The following AGO2 variants were observed in gnomAD, a reference collection of about 807,000 sequenced individuals.
AGO2 encodes argonaute RISC catalytic component 2.
In AGO2, 5 loss-of-function variants were observed where a neutral mutation model predicts 102.3. The observed-to-expected ratio is 0.05, with a 90% CI of 0.03 to 0.10. AGO2 has a LOEUF of 0.10. Among genes scored for constraint, AGO2 ranks in the 10% least tolerant of loss-of-function variants. The probability of loss-of-function intolerance (pLI) is 1.00; values close to 1 mark genes in which losing one functional copy is unlikely to be tolerated. For missense variants in AGO2, 541 were observed against 1,183.7 expected (o/e 0.46, Z 7.97); for synonymous variants, 449 against 473.1 (o/e 0.95, Z 0.66).
intron 2 of AGO2, among the ~76,000 whole-genome samples, chr8:140,582,029 A>G (rs2073566097): frequency 1.3e-5 from 2 of 152,234 alleles, no homozygotes; most frequent in South Asian, 2.1e-4. Flanking sequence ...AACATAGCAT[A>G]CTTTAGATTC....
chr8:140,579,530 T>TA, intron 2 of AGO2, among the ~76,000 whole-genome samples: 2 of 152,234 alleles, frequency 1.3e-5, no homozygotes, highest in East Asian at 3.9e-4. Flanking sequence ...ACTTGCTACT[T>TA]AGTTGCCTGT....
rs199760719 is a variant in AGO2, at chr8:140,599,648, GC to G, written c.23-14338del. On this transcript the variant is annotated intron_variant, in intron 1 of 18. Transcript: ENST00000220592. ...TCAAAGCCATCTCTCTAAATGAGGT[GC>G]CTGATGTGCAGACAACCCTTATATG... 2.1e-3 allele frequency among the ~76,000 whole-genome samples: 320 copies of G among 152,292 alleles called. 7 individuals carry two copies. Among genetic ancestry groups the G allele is most frequent in the Admixed American group, 0.019 (297 of 15,290 alleles).
chr8:140,538,452 A>C (rs2072735536), intron 16 of AGO2, among the ~76,000 whole-genome samples: 1 of 152,164 alleles, frequency 6.6e-6, no homozygotes, highest in Admixed American at 6.5e-5. Flanking sequence ...TCCTACTAGG[A>C]ATACGGAAAA....
In AGO2 at chr8:140,573,005, C is replaced by G; in HGVS notation, c.216-73G>C. The G allele has an allele frequency of 4.8e-6, 7 of 1,467,400 alleles. No homozygotes were observed. The South Asian group carries it at 8.0e-5, about 17-fold the overall frequency. 90.9% of individuals were successfully genotyped at this position (1,467,400 alleles called of 1,614,324 possible). On this transcript the variant is annotated intron_variant, in intron 2 of 18. Transcript: ENST00000220592. ...ATGGCATACAAGGACATTTTTCTGACGCTATTTTTTTTTTTTTTTTTGAGA... is the reference window on the plus strand; with the variant it reads ...ATGGCATACAAGGACATTTTTCTGAGGCTATTTTTTTTTTTTTTTTTGAGA...
Position 140,585,222 on chromosome 8 carries a change from T to C in AGO2, c.112A>G (p.Ile38Val). The C allele has an allele frequency of 6.2e-7, 1 of 1,614,212 alleles. No individual in the cohort carries two copies. Among genetic ancestry groups the C allele is most frequent in the Non-Finnish European group, 8.5e-7 (1 of 1,180,038 alleles). Residue 38 changes from isoleucine (I) to valine (V), a missense_variant, in exon 2 of 19, where the codon ATC (isoleucine) becomes GTC (valine). Around this residue, in one of 6 missense-constraint regions of AGO2, gnomAD observed 147 missense variants for 204.1 expected, o/e 0.72. Transcript: ENST00000220592. The stretch of plus-strand genomic sequence containing the variant: ...TCGAAGAAATTGGCCTGTAATTTGA[T>C]TGTTCTCCCGGAGGTCCCAAAGTCG... ...RPDFGTSGRT[I>V]KLQANFFEMD...
At chr8:140,613,027 G>A (rs1315903035) in intron 1 of AGO2, among the ~76,000 whole-genome samples, 6 of 151,868 alleles carry the variant, frequency 4.0e-5, no homozygotes, top group African/African-American at 2.4e-5. Flanking sequence ...GTGAAACCCC[G>A]TCTCCACTAA....
At chr8:140,615,208 G>C (rs1489476347) in intron 1 of AGO2, among the ~76,000 whole-genome samples, 1 of 152,218 alleles carries the variant, frequency 6.6e-6, no homozygotes, top group Non-Finnish European at 1.5e-5. Flanking sequence ...CCGAGATCGT[G>C]CCACTCCACT....
chr8:140,627,447 G>C (rs1017328226), intron 1 of AGO2, among the ~76,000 whole-genome samples: 23 of 152,158 alleles, frequency 1.5e-4, no homozygotes, highest in East Asian at 9.6e-4. Flanking sequence ...CTGCCTTCTG[G>C]CAGCAGAGTA....
Position 140,585,111 on chromosome 8 carries a change from C to T in AGO2, c.215+8G>A, listed in dbSNP as rs879050517. The T allele has an allele frequency of 3.7e-6, 6 of 1,612,554 alleles. No individual in the cohort carries two copies. The African/African-American group carries it at 5.3e-5, about 14-fold the overall frequency. ...CTTACACAGGTCATGAAGGATGAAA[C>T]GTAATACCTGTTAACTCTCCTCGGG... On this transcript the variant is annotated splice_region_variant and intron_variant, in intron 2 of 18. Coordinates refer to ENST00000220592, the MANE Select transcript of AGO2 (RefSeq NM_012154.5).
At chr8:140,535,868 G>A (rs907854290) in intron 16 of AGO2, among the ~76,000 whole-genome samples, 2 of 152,148 alleles carry the variant, frequency 1.3e-5, no homozygotes, top group Admixed American at 1.3e-4. Context: ...AGAGTCCCTC[G>A]ATACTGTTGG....
chr8:140,557,128 T>A lies in AGO2; in HGVS notation c.987A>T (p.Gln329His), dbSNP rs147773769. 1 of 1,613,892 alleles carries A rather than the reference T, an allele frequency of 6.2e-7. No homozygotes were observed. The highest frequency in any genetic ancestry group is 1.3e-5 in the African/African-American group (1 of 74,908). The stretch of plus-strand genomic sequence containing the variant: ...AGGTGTGTTTCTGCTCCTGTCCGAC[T>A]TGTAAACATGGGAGGTGGGGGTAGC... ...VLRYPHLPCLQVGQEQKHTYL... is the reference protein window; with the variant it reads ...VLRYPHLPCLHVGQEQKHTYL... The change falls in exon 8 of 19, where the codon CAA becomes CAT. Residue 329 changes from glutamine to histidine, a missense_variant. By Grantham distance (24) the Gln-to-His change is conservative (BLOSUM62 0). Transcript: ENST00000220592. This position sits in a 1 kb window ranked among gnomAD's most constrained non-coding sequence, Gnocchi z 5.9.
At chr8:140,568,919 G>A (rs149836620) in intron 3 of AGO2, among the ~76,000 whole-genome samples, 22 of 152,292 alleles carry the variant, frequency 1.4e-4, no homozygotes, top group Non-Finnish European at 2.6e-4. Context: ...CTGAGAGGTT[G>A]CAGGTCAGCC....
chr8:140,617,712 C>T (rs1170481014), intron 1 of AGO2, among the ~76,000 whole-genome samples: 1 of 152,216 alleles, frequency 6.6e-6, no homozygotes, highest in Non-Finnish European at 1.5e-5. Context: ...TGCCATCATC[C>T]TTTTACTTTA....
chr8:140,555,823 C>T (rs1323962946), intron 10 of AGO2, 73 bp downstream of exon 10: 32 of 1,545,612 alleles, frequency 2.1e-5, no homozygotes, highest in South Asian at 1.2e-5. Context: ...CGGGCGATAG[C>T]TCAGAACCTG....
rs1263665793 is a variant in AGO2 at position 140,589,844 on chromosome 8, C to A, written c.23-4533G>T. On this transcript the variant is annotated intron_variant, in intron 1 of 18. Transcript: ENST00000220592. This position sits in a 1 kb window ranked among gnomAD's most constrained non-coding sequence, Gnocchi z 4.2. ...GGAGTGATGGCTCAGTGAGTACAGA[C>A]CAGAGAGTAGATGCTATCAAGCTGT... is the stretch of plus-strand genomic sequence containing the variant. Among the ~76,000 whole-genome samples the A allele has an allele frequency of 6.6e-6, 1 of 151,984 alleles. No homozygotes were observed. Among genetic ancestry groups the A allele is most frequent in the Non-Finnish European group, 1.5e-5 (1 of 68,018 alleles).
intron 1 of AGO2, among the ~76,000 whole-genome samples, chr8:140,613,034 C>T (rs1483071944): frequency 6.6e-6 from 1 of 152,048 alleles, no homozygotes; most frequent in African/African-American, 2.4e-5. Context: ...CCCGTCTCCA[C>T]TAAAAATACA....
rs1181290144 is a variant in AGO2, at chr8:140,572,799, C to T, written c.336+13G>A. 1.9e-6 allele frequency: 3 copies of T among 1,607,884 alleles called. No individual in the cohort carries two copies. Among genetic ancestry groups the T allele is most frequent in the Non-Finnish European group, 2.5e-6 (3 of 1,177,954 alleles). On this transcript the variant is annotated intron_variant, in intron 3 of 18. Transcript: ENST00000220592. Reference sequence around the variant, plus strand: ...CGTATGTTACTCCACCAAGGGCATCCCGGCGAGCTTACCTTGTCCCTCCCA... The same window carrying T: ...CGTATGTTACTCCACCAAGGGCATCTCGGCGAGCTTACCTTGTCCCTCCCA...
At chr8:140,614,563 A>G (rs1013044054) in intron 1 of AGO2, among the ~76,000 whole-genome samples, 2 of 152,188 alleles carry the variant, frequency 1.3e-5, no homozygotes, top group Admixed American at 6.5e-5. Context: ...TACTCTCCTC[A>G]TGTCTTCAGC....
intron 3 of AGO2, among the ~76,000 whole-genome samples, chr8:140,569,888 A>G (rs2073350235): frequency 6.6e-6 from 1 of 152,230 alleles, no homozygotes; most frequent in African/African-American, 2.4e-5. Context: ...CCCCCTGTGC[A>G]GAGGCCTGGA....
Sources: gnomAD v4.1 joint callset for allele counts (sites outside exome capture counted in the v4.1 genomes callset) on GRCh38, gnomAD v4.1.1 for gene constraint, gnomAD v4.1.1 regional missense constraint, Gnocchi (gnomAD v3.1) non-coding constraint, MANE v1.5 for transcripts, NCBI Gene and HGNC (gene_info 2026-07-23, HGNC 2026-07-21) for gene names.